DLGAP2: variants seen among roughly 807,000 people sequenced by gnomAD.
DLGAP2 encodes the protein disks large-associated protein 2.
DLGAP2 carries 26 observed loss-of-function variants against 100.3 expected under a neutral mutation model. The observed-to-expected ratio is 0.26, with a 90% CI of 0.19 to 0.36. The LOEUF (loss-of-function observed/expected upper bound fraction) is 0.36, where lower values mean the gene tolerates loss of function less well. DLGAP2 is among the 10% of genes least tolerant of loss of function. DLGAP2 has a pLI of 1.00. For synonymous variants in DLGAP2, 886 were observed against 630.1 expected (o/e 1.41, Z -6.08); for missense variants, 1,858 against 1,453.2 (o/e 1.28, Z -4.53).
intron 3 of DLGAP2, among the ~76,000 whole-genome samples, chr8:1,307,498 C>T (rs1800517409): frequency 6.6e-6 from 1 of 152,018 alleles, no homozygotes; most frequent in South Asian, 2.1e-4. Context: ...TTTCCTATGC[C>T]CCAGAAATTT....
intron 8 of DLGAP2, among the ~76,000 whole-genome samples, chr8:1,649,704 T>G (rs1798120605): frequency 6.6e-6 from 1 of 152,220 alleles, no homozygotes; most frequent in Admixed American, 6.5e-5. Flanking sequence ...TCTAAAATAT[T>G]TAATTATATT....
intron 6 of DLGAP2, among the ~76,000 whole-genome samples, chr8:1,606,153 T>G (rs1242735890): frequency 6.6e-6 from 1 of 152,196 alleles, no homozygotes; most frequent in African/African-American, 2.4e-5. Flanking sequence ...GGGTTTTTTT[T>G]GAAAATTTGC....
chr8:1,332,873 G>A (rs761112810), intron 3 of DLGAP2, among the ~76,000 whole-genome samples: 53 of 152,314 alleles, frequency 3.5e-4, no homozygotes, highest in Non-Finnish European at 5.4e-4. Context: ...CAGCAGACAC[G>A]TGTGTTGAAA....
chr8:1,302,904 G>A (rs1436312094), intron 3 of DLGAP2, among the ~76,000 whole-genome samples: 3 of 152,202 alleles, frequency 2.0e-5, no homozygotes, highest in Admixed American at 1.3e-4. Flanking sequence ...GCTGTAACTC[G>A]CCTCCTTCTG....
intron 2 of DLGAP2, among the ~76,000 whole-genome samples, chr8:1,078,032 G>A (rs1397321941): frequency 2.0e-5 from 3 of 152,128 alleles, no homozygotes; most frequent in Non-Finnish European, 4.4e-5. Flanking sequence ...TCCAGGTCAA[G>A]CACAGAGGAA....
intron 2 of DLGAP2, among the ~76,000 whole-genome samples, chr8:1,020,253 A>G (rs1801590270): frequency 6.6e-6 from 1 of 152,226 alleles, no homozygotes; most frequent in Admixed American, 6.5e-5. Flanking sequence ...CAATTTGGGT[A>G]TGAAACCCTG....
intron 12 of DLGAP2, among the ~76,000 whole-genome samples, chr8:1,681,944 C>G (rs988844426): frequency 7.2e-6 from 1 of 138,894 alleles, no homozygotes; most frequent in Non-Finnish European, 1.5e-5. Flanking sequence ...AACGCTCTGC[C>G]TTCCCAGCAG....
At chr8:1,532,177 C>T (rs1205847679) in intron 4 of DLGAP2, among the ~76,000 whole-genome samples, 3 of 152,154 alleles carry the variant, frequency 2.0e-5, no homozygotes, top group Non-Finnish European at 2.9e-5. Context: ...GAGCAGTTCC[C>T]AGCCTGATTT....
Position 1,701,515 on chromosome 8 carries a change from G to T in DLGAP2, c.*109G>T. On this transcript the variant is annotated 3_prime_UTR_variant, in exon 15 of 15. Coordinates refer to ENST00000637795, the MANE Select transcript of DLGAP2 (RefSeq NM_001346810.2). ...TCCTCCTCCCGCTGAACACGTCCTCGCTCCCGCGCTCCCCGCGCCCCGGAC... is the reference window on the plus strand; with the variant it reads ...TCCTCCTCCCGCTGAACACGTCCTCTCTCCCGCGCTCCCCGCGCCCCGGAC... 1 of 1,172,700 alleles carries T rather than the reference G, an allele frequency of 8.5e-7. No individual in the cohort carries two copies. Among genetic ancestry groups the T allele is most frequent in the South Asian group, 1.6e-5 (1 of 63,162 alleles). 72.6% of individuals were successfully genotyped at this position (1,172,700 alleles called of 1,614,324 possible). A position where few individuals can be genotyped will look rare whatever the true frequency, so the allele number is the denominator to read the frequency against.
rs191881129 is a variant in DLGAP2, at chr8:1,131,378, G to A, written c.74-127473G>A. On this transcript the variant is annotated intron_variant, in intron 2 of 14. Coordinates refer to ENST00000637795, the MANE Select transcript of DLGAP2 (RefSeq NM_001346810.2). ...CCACGTGCCGGCAGGTGGGGTTCCT[G>A]GTGGGAACCTTCTCCCTGGCTTGCG... is the stretch of plus-strand genomic sequence containing the variant. Among the ~76,000 whole-genome samples, 1,034 of 152,284 alleles carry A rather than the reference G, an allele frequency of 6.8e-3. 8 individuals carry two copies. Among genetic ancestry groups the A allele is most frequent in the Non-Finnish European group, 9.0e-3 (612 of 68,018 alleles).
chr8:1,326,841 C>A (rs781391912), intron 3 of DLGAP2, among the ~76,000 whole-genome samples: 3 of 152,220 alleles, frequency 2.0e-5, no homozygotes, highest in African/African-American at 7.2e-5. Context: ...TACCTTCCTC[C>A]CTTTGGTGTT....
intron 2 of DLGAP2, among the ~76,000 whole-genome samples, chr8:1,212,696 T>A (rs954003871): frequency 5.9e-5 from 9 of 151,998 alleles, no homozygotes; most frequent in Non-Finnish European, 1.3e-4. Flanking sequence ...TGGGAGTGAT[T>A]AAGAAACCTT....
intron 2 of DLGAP2, among the ~76,000 whole-genome samples, chr8:954,760 G>T (rs544119347): frequency 1.3e-4 from 20 of 152,178 alleles, no homozygotes; most frequent in Non-Finnish European, 1.9e-4. Context: ...GTTAGCCTGG[G>T]TGGGGAAGAA....
rs1421505763 is a variant in DLGAP2, at chr8:1,703,033, G to C, written c.*1627G>C. The C allele has an allele frequency of 6.5e-6, 1 of 152,726 alleles. No individual in the cohort carries two copies. The highest frequency in any genetic ancestry group is 6.5e-5 in the Admixed American group (1 of 15,278). The allele number at this position is 152,726 out of a possible 1,614,324, so 9.5% of individuals were successfully genotyped here. On this transcript the variant is annotated 3_prime_UTR_variant, in exon 15 of 15. Coordinates refer to ENST00000637795, the MANE Select transcript of DLGAP2 (RefSeq NM_001346810.2). ...TGGCTGGCAGGGCGTTCGATGTGCG[G>C]TTGGCCCCCAGCGCGCCCTCCAGAG...
intron 14 of DLGAP2, 80 bp from the exon 15 acceptor site, chr8:1,701,095 AAGGGTCAGGCCAG>A: frequency 8.4e-7 from 1 of 1,184,510 alleles, no homozygotes. Flanking sequence ...TGCGGTCGGG[AAGGGTCAGGCCAG>A]GCCCCAGGGC....
At chr8:1,373,347 C>A (rs1480658567) in intron 3 of DLGAP2, among the ~76,000 whole-genome samples, 2 of 151,780 alleles carry the variant, frequency 1.3e-5, no homozygotes, top group Admixed American at 6.6e-5. Flanking sequence ...GGCGCCGCGC[C>A]TGGACCGTGG....
At position 1,054,213 on chromosome 8, in the gene DLGAP2, C is replaced by A. The variant is rs1276228506; in HGVS notation, c.73+146247C>A. Among the ~76,000 whole-genome samples the A allele has an allele frequency of 3.9e-5, 6 of 152,060 alleles. No homozygotes were observed. The East Asian group carries it at 1.2e-3, about 29-fold the overall frequency. On this transcript the variant is annotated intron_variant, in intron 2 of 14. Coordinates refer to ENST00000637795, the MANE Select transcript of DLGAP2 (RefSeq NM_001346810.2). ...ACACGCACGCACACACAGATCCACA[C>A]GCATGCGCACACACATGTATGCACA...
intron 3 of DLGAP2, among the ~76,000 whole-genome samples, chr8:1,451,419 C>G (rs974906114): frequency 1.3e-5 from 2 of 152,158 alleles, no homozygotes; most frequent in African/African-American, 4.8e-5. Context: ...TTGCTTGAAG[C>G]TTTATCACAT....
At chr8:1,138,702 G>T (rs1796466515) in intron 2 of DLGAP2, among the ~76,000 whole-genome samples, 1 of 152,252 alleles carries the variant, frequency 6.6e-6, no homozygotes, top group Non-Finnish European at 1.5e-5. Flanking sequence ...GTTTCAGTCT[G>T]CAGCGGTGCC....
Sources: allele counts gnomAD v4.1 joint callset (sites outside exome capture counted in the v4.1 genomes callset), GRCh38; gene constraint gnomAD v4.1.1; transcripts MANE v1.5; gene names NCBI Gene and HGNC (gene_info 2026-07-23, HGNC 2026-07-21).